The following ABCB4 variants were observed in gnomAD, a reference collection of about 807,000 sequenced individuals.
ABCB4 encodes the protein phosphatidylcholine translocator ABCB4.
Under a neutral mutation model 145.7 loss-of-function variants are expected in ABCB4, and 76 were observed. That is an observed-to-expected ratio of 0.52 (90% CI 0.43 to 0.63). ABCB4 has a LOEUF of 0.63. ABCB4 is among the 30% of genes least tolerant of loss of function. The probability of loss-of-function intolerance (pLI) is 0.00; values close to 1 mark genes in which losing one functional copy is unlikely to be tolerated. For synonymous variants in ABCB4, 517 were observed against 566.8 expected, an observed-to-expected ratio of 0.91 and a Z score of 1.25; for missense variants, 1,234 against 1,553.1, an observed-to-expected ratio of 0.79 and a Z score of 3.45.
In ABCB4 at chr7:87,450,372, C is replaced by T. The variant is rs1355318272; in HGVS notation, c.709-280G>A. The stretch of plus-strand genomic sequence containing the variant: ...CACTCTTGGGAACACTGTCAAGTTC[C>T]ACATCTACTGTTTTTCTTTGTTAGT... On this transcript the variant is annotated intron_variant, in intron 7 of 27. Transcript: ENST00000649586. Among the ~76,000 whole-genome samples the T allele has an allele frequency of 2.0e-5, 3 of 152,096 alleles. No homozygotes were observed. The East Asian group carries it at 5.8e-4, about 29-fold the overall frequency.
intron 3 of ABCB4, among the ~76,000 whole-genome samples, chr7:87,466,649 GA>G (rs1324565146): frequency 6.6e-6 from 1 of 152,180 alleles, no homozygotes; most frequent in African/African-American, 2.4e-5. Context: ...CATGCAGAGA[GA>G]AAGGTCAGGT....
chr7:87,474,613 C>T (rs1020383484), intron 2 of ABCB4, among the ~76,000 whole-genome samples: 10 of 152,162 alleles, frequency 6.6e-5, no homozygotes, highest in African/African-American at 2.4e-4. Flanking sequence ...ACTCAGAGAC[C>T]GTAATAGCCT....
intron 3 of ABCB4, among the ~76,000 whole-genome samples, chr7:87,463,617 G>A (rs1358295066): frequency 6.6e-6 from 1 of 152,186 alleles, no homozygotes; most frequent in Non-Finnish European, 1.5e-5. Flanking sequence ...AGAATAAGAA[G>A]GTAACTAGAA....
At chr7:87,475,584 C>A in intron 1 of ABCB4, 50 bp downstream of exon 1, 2 of 1,046,024 alleles carry the variant, frequency 1.9e-6, no homozygotes, top group Admixed American at 2.0e-5. Flanking sequence ...GCCCCGCGCC[C>A]CACGTCCCGG....
intron 3 of ABCB4, among the ~76,000 whole-genome samples, chr7:87,471,618 A>G (rs1584800641): frequency 1.3e-5 from 2 of 152,188 alleles, no homozygotes; most frequent in South Asian, 4.1e-4. Flanking sequence ...ACTAAGTTGG[A>G]TTTCAGCTGA....
chr7:87,379,286 CT>C, the ABCB4 span, among the ~76,000 whole-genome samples: 1 of 152,182 alleles, frequency 6.6e-6, no homozygotes, highest in African/African-American at 2.4e-5. Context: ...ACTTTTCCCC[CT>C]CTGACCACTT....
the ABCB4 span, among the ~76,000 whole-genome samples, chr7:87,383,131 C>T: frequency 1.3e-5 from 2 of 152,138 alleles, no homozygotes; most frequent in African/African-American, 4.8e-5. Context: ...CAAGTCTTCT[C>T]TTCTTGGTAT....
At chr7:87,429,852 A>G (rs1398584971) in intron 15 of ABCB4, among the ~76,000 whole-genome samples, 4 of 151,112 alleles carry the variant, frequency 2.6e-5, no homozygotes, top group Non-Finnish European at 5.9e-5. Flanking sequence ...ATTTGGGGGA[A>G]TTTGCAAATT....
chr7:87,438,466 G>A lies in ABCB4; in HGVS notation c.1731+1201C>T, dbSNP rs532722336. Among the ~76,000 whole-genome samples, 4 of 152,170 alleles carry A rather than the reference G, an allele frequency of 2.6e-5. No individual in the cohort carries two copies. In the South Asian group the frequency reaches 6.2e-4, roughly 24 times the overall value. On this transcript the variant is annotated intron_variant, in intron 14 of 27. Transcript: ENST00000649586. The stretch of plus-strand genomic sequence containing the variant: ...ATTATATAAAATAAGTCAAGATATT[G>A]GTTAGGTGCAGTGGCTCACATCTAT...
At chr7:87,430,448 TAAC>T (rs1421547947) in intron 15 of ABCB4, among the ~76,000 whole-genome samples, 2 of 152,208 alleles carry the variant, frequency 1.3e-5, no homozygotes, top group East Asian at 3.8e-4. Context: ...CTGAGTATAA[TAAC>T]ATGTCTTAAT....
At chr7:87,446,964 A>G in intron 9 of ABCB4, 70 bp downstream of exon 9, 5 of 1,426,872 alleles carry the variant, frequency 3.5e-6, no homozygotes, top group South Asian at 2.4e-5. Flanking sequence ...GAGCGATATC[A>G]AAGAAAAGAG....
intron 12 of ABCB4, 142 bp downstream of exon 12, chr7:87,443,177 G>T (rs1811095825): frequency 9.7e-7 from 1 of 1,028,294 alleles, no homozygotes; most frequent in Non-Finnish European, 1.5e-6. Flanking sequence ...AGGGTGTGAA[G>T]GCATTATCCA....
chr7:87,394,204 A>C, the ABCB4 span, among the ~76,000 whole-genome samples: 1 of 152,178 alleles, frequency 6.6e-6, no homozygotes, highest in East Asian at 1.9e-4. Context: ...TAGCTACCTC[A>C]TGTTGCTACT....
At chr7:87,430,244 T>G (rs1584722002) in intron 15 of ABCB4, among the ~76,000 whole-genome samples, 1 of 152,140 alleles carries the variant, frequency 6.6e-6, no homozygotes, top group Non-Finnish European at 1.5e-5. Flanking sequence ...ATTAATAAAA[T>G]GAACTTCTGA....
chr7:87,433,419 T>G (rs1406652898), intron 14 of ABCB4, among the ~76,000 whole-genome samples: 1 of 152,152 alleles, frequency 6.6e-6, no homozygotes, highest in Non-Finnish European at 1.5e-5. Context: ...ACAAAATAAT[T>G]TGATTACTGT....
intron 22 of ABCB4, 48 bp from the exon 23 acceptor site, chr7:87,412,081 A>C (rs1808664702): frequency 6.2e-7 from 1 of 1,610,470 alleles, no homozygotes; most frequent in Admixed American, 1.7e-5. Flanking sequence ...AGCCTCCTTT[A>C]GCGCTGTGTA....
chr7:87,465,270 G>A (rs980519547), intron 3 of ABCB4, among the ~76,000 whole-genome samples: 4 of 152,206 alleles, frequency 2.6e-5, no homozygotes, highest in Non-Finnish European at 4.4e-5. Flanking sequence ...ACGAAGCCTC[G>A]CTCATTGCTA....
rs372413793 is a variant in ABCB4, at chr7:87,402,097, C to G, written c.3839G>C (p.Ter1280SerextTer19). ...VSVQAGTQNL* is the reference protein window; with the variant it reads ...VSVQAGTQNLS Reference sequence around the variant, plus strand: ...TTTAAAATATACTGTAGCAAAAGTTCATAAGTTCTGTGTCCCAGCCTGGAC... The same window carrying G: ...TTTAAAATATACTGTAGCAAAAGTTGATAAGTTCTGTGTCCCAGCCTGGAC... Residue 1280 changes from the stop codon to serine (S), a stop_lost, in exon 28 of 28, where the codon TGA becomes TCA. Coordinates refer to ENST00000649586, the MANE Select transcript of ABCB4 (RefSeq NM_000443.4). 2 of 1,613,956 alleles carry G rather than the reference C, an allele frequency of 1.2e-6. No individual in the cohort carries two copies. Among genetic ancestry groups the G allele is most frequent in the African/African-American group, 2.7e-5 (2 of 74,910 alleles).
rs1358146222 is a variant in ABCB4, at chr7:87,440,415, A to G, written c.1357-13T>C. On this transcript the variant is annotated splice_polypyrimidine_tract_variant and intron_variant, in intron 12 of 27. Coordinates refer to ENST00000649586, the MANE Select transcript of ABCB4 (RefSeq NM_000443.4). ...CATCAATGTTAATCTGAAAGAAAGA[A>G]ATATTTCCTATTAAGTATTTAACCA... The G allele has an allele frequency of 5.6e-6, 9 of 1,609,118 alleles. No homozygotes were observed. The East Asian group carries it at 2.0e-4, about 36-fold the overall frequency.
Sources: gnomAD v4.1 joint callset for allele counts (sites outside exome capture counted in the v4.1 genomes callset) on GRCh38, gnomAD v4.1.1 for gene constraint, MANE v1.5 for transcripts, NCBI Gene and HGNC (gene_info 2026-07-23, HGNC 2026-07-21) for gene names.